The following MINDY2 variants were observed in gnomAD, a reference collection of about 807,000 sequenced individuals.
MINDY2 encodes MINDY lysine 48 deubiquitinase 2, also known as ubiquitin carboxyl-terminal hydrolase MINDY-2.
A neutral mutation model predicts 68.2 loss-of-function variants in MINDY2; 52 were observed. The ratio of observed to expected loss-of-function variants is 0.76; its 90% CI spans 0.61 to 0.96. MINDY2 has a LOEUF of 0.96. Among genes scored for constraint, MINDY2 ranks in the 40% least tolerant of loss-of-function variants. The pLI is 0.00. For synonymous variants in MINDY2, 372 were observed against 303.0 expected (o/e 1.23, Z -2.36); for missense variants, 881 against 773.4 (o/e 1.14, Z -1.65).
intron 1 of MINDY2, among the ~76,000 whole-genome samples, chr15:58,776,514 T>C (rs1348425351): frequency 6.6e-6 from 1 of 152,158 alleles, no homozygotes; most frequent in Admixed American, 6.5e-5. Flanking sequence ...GTAATAAAAA[T>C]GTAGTACATT....
rs1157376592 is a variant in MINDY2 at position 58,782,911 on chromosome 15, G to GTTTTTTTTTTTTT, written c.841-4981_841-4969dup. On this transcript the variant is annotated intron_variant, in intron 1 of 8. Transcript: ENST00000559228. The stretch of plus-strand genomic sequence containing the variant: ...TCAATATATTTAATTTTTTCTCTCT[G>GTTTTTTTTTTTTT]TTTTTTTTTTTTTTTTTTTTTTTTT... 7.1e-3 allele frequency among the ~76,000 whole-genome samples: 461 copies of GTTTTTTTTTTTTT among 64,492 alleles called. 86 individuals carry two copies. Among genetic ancestry groups the GTTTTTTTTTTTTT allele is most frequent in the East Asian group, 0.044 (54 of 1,234 alleles). 42.3% of individuals were successfully genotyped at this position (64,492 alleles called of 152,430 possible). A position where few individuals can be genotyped will look rare whatever the true frequency, so the allele number is the denominator to read the frequency against.
chr15:58,813,782 A>G (rs1439400294), intron 4 of MINDY2, among the ~76,000 whole-genome samples: 1 of 151,568 alleles, frequency 6.6e-6, no homozygotes, highest in Admixed American at 6.6e-5. Flanking sequence ...ACTGTTTACT[A>G]GATTACCTGT....
intron 4 of MINDY2, among the ~76,000 whole-genome samples, chr15:58,819,784 C>T (rs550337565): frequency 1.3e-3 from 201 of 152,236 alleles, no homozygotes; most frequent in African/African-American, 4.5e-3. Flanking sequence ...ACAGATTGTG[C>T]CCTCAAATTG....
chr15:58,835,348 G>T (rs1306685223), intron 6 of MINDY2, among the ~76,000 whole-genome samples: 1 of 152,084 alleles, frequency 6.6e-6, no homozygotes, highest in East Asian at 1.9e-4. Context: ...ATTTAAGAAG[G>T]TCACATTTAA....
chr15:58,846,123 T>A (rs1487692725), intron 6 of MINDY2, among the ~76,000 whole-genome samples: 11 of 151,212 alleles, frequency 7.3e-5, no homozygotes, highest in African/African-American at 2.7e-4. Context: ...AACAGAATGA[T>A]TGAGACCTAG....
intron 2 of MINDY2, among the ~76,000 whole-genome samples, chr15:58,792,439 C>A (rs182135956): frequency 3.9e-5 from 6 of 152,160 alleles, no homozygotes; most frequent in African/African-American, 1.4e-4. Flanking sequence ...AACCCCGTCT[C>A]TACTAAGAAC....
chr15:58,784,040 C>A (rs571090779), intron 1 of MINDY2, among the ~76,000 whole-genome samples: 41 of 151,908 alleles, frequency 2.7e-4, no homozygotes, highest in African/African-American at 8.7e-4. Context: ...TAATAATTTT[C>A]CAGGGCCGAG....
chr15:58,791,219 A>T (rs1180830431), intron 2 of MINDY2, among the ~76,000 whole-genome samples: 1 of 16,774 alleles, frequency 6.0e-5, no homozygotes, highest in Non-Finnish European at 7.8e-5. Flanking sequence ...GCAATTTTAT[A>T]TATATATATA....
rs780140528 is a variant in MINDY2, at chr15:58,838,582, A to ATTTTTTTTT, written c.1368+6680_1368+6688dup. Among the ~76,000 whole-genome samples, 42 of 93,072 alleles carry ATTTTTTTTT rather than the reference A, an allele frequency of 4.5e-4. 2 individuals are homozygous for ATTTTTTTTT. The highest frequency in any genetic ancestry group is 2.1e-3 in the East Asian group (5 of 2,328). 61.1% of individuals were successfully genotyped at this position (93,072 alleles called of 152,430 possible). ...TTGTTAGTGGGGCTACTTTTTAGGG[A>ATTTTTTTTT]TTTTTTTTTTTTTTTTTTTTTTGAG... is the stretch of plus-strand genomic sequence containing the variant. On this transcript the variant is annotated intron_variant, in intron 6 of 8. Transcript: ENST00000559228.
At chr15:58,810,157 C>T in intron 3 of MINDY2, 73 bp from the exon 4 acceptor site, 6 of 1,297,318 alleles carry the variant, frequency 4.6e-6, no homozygotes, top group South Asian at 1.5e-5. Context: ...AGTAAATGTG[C>T]TTGTACTTGA....
At chr15:58,785,135 C>CAAAAAAAAA (rs397719705) in intron 1 of MINDY2, among the ~76,000 whole-genome samples, 201 of 68,284 alleles carry the variant, frequency 2.9e-3, no homozygotes, top group South Asian at 5.3e-3. Context: ...TGAAGGAAAG[C>CAAAAAAAAA]AAAAAAAAAA....
intron 7 of MINDY2, among the ~76,000 whole-genome samples, chr15:58,849,804 C>T (rs975260391): frequency 6.6e-6 from 1 of 152,016 alleles, no homozygotes; most frequent in African/African-American, 2.4e-5. Flanking sequence ...TACAGTGGTG[C>T]GATCTCGGCT....
chr15:58,777,753 T>G (rs1342677072), intron 1 of MINDY2, among the ~76,000 whole-genome samples: 1 of 152,202 alleles, frequency 6.6e-6, no homozygotes, highest in Non-Finnish European at 1.5e-5. Flanking sequence ...CCTCTCATTT[T>G]CAAGAGATAG....
At position 58,833,382 on chromosome 15, in the gene MINDY2, C is replaced by T. The variant is rs550659143; in HGVS notation, c.1368+1466C>T. On this transcript the variant is annotated intron_variant, in intron 6 of 8. Transcript: ENST00000559228. The stretch of plus-strand genomic sequence containing the variant: ...CCCCTCCACACCTGTGGGTGTTTCT[C>T]ATTAGGTGGAACAAGAGACTTGGAA... 8.5e-5 allele frequency among the ~76,000 whole-genome samples: 13 copies of T among 152,228 alleles called. No individual in the cohort carries two copies. The South Asian group carries it at 2.3e-3, about 27-fold the overall frequency.
Position 58,777,793 on chromosome 15 carries a change from G to A in MINDY2, c.840+5558G>A, listed in dbSNP as rs28625305. Among the ~76,000 whole-genome samples, 181 of 151,836 alleles carry A rather than the reference G, an allele frequency of 1.2e-3. 2 individuals carry two copies. The highest frequency in any genetic ancestry group is 4.2e-3 in the African/African-American group (174 of 41,414). ...ATCTACCTCTGTATTTTTCCTTTTT[G>A]TTGTTTTTTTATGGAGACGGGGTCT... On this transcript the variant is annotated intron_variant, in intron 1 of 8. Transcript: ENST00000559228.
At chr15:58,776,951 G>A (rs1427513226) in intron 1 of MINDY2, among the ~76,000 whole-genome samples, 1 of 152,168 alleles carries the variant, frequency 6.6e-6, no homozygotes, top group Admixed American at 6.5e-5. Context: ...GAACTAATAA[G>A]TAGTAACTAT....
At chr15:58,824,212 A>C (rs1338407310) in intron 5 of MINDY2, among the ~76,000 whole-genome samples, 2 of 152,222 alleles carry the variant, frequency 1.3e-5, no homozygotes. Context: ...CAGTTCCTTC[A>C]TTACTTCTTT....
rs369473023 is a variant in MINDY2, at chr15:58,772,062, G to T, written c.667G>T (p.Gly223Trp). ...TGTTCCTCTGTGCAAGGAGGAGGAG[G>T]GGGAGGAGACCGCTCAGGTGCTGGC... ...GAVPLCKEEE[G>W]EETAQVLAAS... Residue 223 changes from glycine (G) to tryptophan (W), a missense_variant, in exon 1 of 9, where the codon GGG becomes TGG. Coordinates refer to ENST00000559228, the MANE Select transcript of MINDY2 (RefSeq NM_001040450.3). 26 of 1,611,484 alleles carry T rather than the reference G, an allele frequency of 1.6e-5. No homozygotes were observed. The East Asian group carries it at 5.6e-4, about 35-fold the overall frequency.
At chr15:58,825,259 T>G (rs565606782) in intron 5 of MINDY2, among the ~76,000 whole-genome samples, 1 of 152,324 alleles carries the variant, frequency 6.6e-6, no homozygotes, top group Admixed American at 6.5e-5. Context: ...TAGGTGTTCT[T>G]TCAACTTCTT....
Sources: allele counts gnomAD v4.1 joint callset (sites outside exome capture counted in the v4.1 genomes callset), GRCh38; gene constraint gnomAD v4.1.1; transcripts MANE v1.5; gene names NCBI Gene and HGNC (gene_info 2026-07-23, HGNC 2026-07-21).